RAB22A: variants seen among roughly 807,000 people sequenced by gnomAD.
The protein encoded by RAB22A is ras-related protein Rab-22A.
In RAB22A, 13 loss-of-function variants were observed where a neutral mutation model predicts 30.2. The ratio of observed to expected loss-of-function variants is 0.43; its 90% confidence interval spans 0.28 to 0.68. The LOEUF is 0.68. Ranked by LOEUF, RAB22A falls within the 30% of genes least tolerant of loss-of-function variation. The pLI is 0.18. For synonymous variants in RAB22A, 89 were observed against 87.2 expected (o/e 1.02, Z -0.11); for missense variants, 177 against 246.8 (o/e 0.72, Z 1.89).
intron 2 of RAB22A, among the ~76,000 whole-genome samples, chr20:58,318,785 A>G (rs1358754646): frequency 6.6e-5 from 10 of 152,156 alleles, no homozygotes; most frequent in East Asian, 1.9e-4. Context: ...TTGGGAGTCA[A>G]TGTGCCATAG....
In RAB22A at chr20:58,309,813, C is replaced by A; in HGVS notation, c.-164C>A. ...AAGGCGGGCCCCACGCGGCTGGCAG[C>A]GGACAGGCCGGACCTACGGCCGGAG... On this transcript the variant is annotated 5_prime_UTR_variant, in exon 1 of 7. Transcript: ENST00000244040. 1.7e-6 allele frequency: 1 copy of A among 572,730 alleles called. No homozygotes were observed. The allele number at this position is 572,730 out of a possible 1,614,324, so 35.5% of individuals were successfully genotyped here.
At chr20:58,329,472 A>G (rs1418718973) in intron 2 of RAB22A, among the ~76,000 whole-genome samples, 1 of 152,126 alleles carries the variant, frequency 6.6e-6, no homozygotes, top group East Asian at 1.9e-4. Context: ...GAGTGGCGTC[A>G]TCCTCCTTCA....
chr20:58,349,195 T>A (rs1987002834), intron 3 of RAB22A, among the ~76,000 whole-genome samples: 1 of 152,118 alleles, frequency 6.6e-6, no homozygotes, highest in Non-Finnish European at 1.5e-5. Flanking sequence ...GACAAAGCTT[T>A]AAAAAAACAA....
rs1166300273 is a variant in RAB22A, at chr20:58,344,908, A to T, written c.198+1109A>T. Among the ~76,000 whole-genome samples, 3 of 152,106 alleles carry T rather than the reference A, an allele frequency of 2.0e-5. No homozygotes were observed. The East Asian group carries it at 5.8e-4, about 29-fold the overall frequency. On this transcript the variant is annotated intron_variant, in intron 3 of 6. Coordinates refer to ENST00000244040, the MANE Select transcript of RAB22A (RefSeq NM_020673.3). ...ATGTTGTGCCTCTGTCCCATTACTC[A>T]TCTAAGATATTCTGCTTACCGTCTT...
At chr20:58,325,158 A>G (rs1469111909) in intron 2 of RAB22A, among the ~76,000 whole-genome samples, 1 of 145,186 alleles carries the variant, frequency 6.9e-6, no homozygotes, top group Non-Finnish European at 1.5e-5. Context: ...GCCTGGTGAC[A>G]GAGCGAGACT....
chr20:58,329,080 G>A lies in RAB22A; in HGVS notation c.117-14638G>A, dbSNP rs137918407. Among the ~76,000 whole-genome samples the A allele has an allele frequency of 1.4e-3, 203 of 145,064 alleles. 1 individual carries two copies. Among genetic ancestry groups the A allele is most frequent in the Middle Eastern group, 0.011 (3 of 266 alleles). ...CCTTTTTTTTTTTTTTTGAGGCAGAGCCTCATTCTGTCACCCAGGCTGGAG... is the reference window on the plus strand; with the variant it reads ...CCTTTTTTTTTTTTTTTGAGGCAGAACCTCATTCTGTCACCCAGGCTGGAG... On this transcript the variant is annotated intron_variant, in intron 2 of 6. Transcript: ENST00000244040.
At chr20:58,334,948 A>G (rs1986722449) in intron 2 of RAB22A, among the ~76,000 whole-genome samples, 1 of 152,256 alleles carries the variant, frequency 6.6e-6, no homozygotes, top group Admixed American at 6.5e-5. Flanking sequence ...TTTTATGTTT[A>G]TAAAAACACT....
intron 2 of RAB22A, among the ~76,000 whole-genome samples, chr20:58,327,974 A>G (rs998799088): frequency 6.6e-6 from 1 of 152,226 alleles, no homozygotes; most frequent in Non-Finnish European, 1.5e-5. Context: ...TTATCAGGAC[A>G]ATTGGCAGAA....
chr20:58,311,803 G>GA (rs930485319), intron 2 of RAB22A, among the ~76,000 whole-genome samples: 9 of 152,148 alleles, frequency 5.9e-5, no homozygotes, highest in African/African-American at 1.4e-4. Context: ...AGCATTTAAA[G>GA]AAAAAATCTA....
intron 2 of RAB22A, among the ~76,000 whole-genome samples, chr20:58,328,180 A>T (rs539180975): frequency 6.6e-6 from 1 of 152,118 alleles, no homozygotes. Flanking sequence ...TTTGCGAAAA[A>T]AATGTTATAT....
chr20:58,335,058 G>A (rs1218547877), intron 2 of RAB22A, among the ~76,000 whole-genome samples: 3 of 152,104 alleles, frequency 2.0e-5, no homozygotes, highest in East Asian at 1.9e-4. Flanking sequence ...ATATAGTCAC[G>A]CAATTGAATA....
rs957149645 is a variant in RAB22A at position 58,366,312 on chromosome 20, T to G, written c.*6609T>G. 1.3e-5 allele frequency: 2 copies of G among 152,092 alleles called. No homozygotes were observed. The highest frequency in any genetic ancestry group is 2.9e-5 in the Non-Finnish European group (2 of 68,042). The allele number at this position is 152,092 out of a possible 1,614,324, so 9.4% of individuals were successfully genotyped here. ...GCTGGGGCTTTTCTAACAAGCACAG[T>G]CAGAAATGCGCAGGCCTGGGGTTGG... On this transcript the variant is annotated 3_prime_UTR_variant, in exon 7 of 7. Transcript: ENST00000244040.
At chr20:58,351,204 G>C (rs562101447) in intron 3 of RAB22A, among the ~76,000 whole-genome samples, 146 of 152,052 alleles carry the variant, frequency 9.6e-4, no homozygotes, top group Non-Finnish European at 1.8e-3. Context: ...GGGCATGGTG[G>C]CACTTACTGT....
At chr20:58,321,754 T>C (rs952694377) in intron 2 of RAB22A, among the ~76,000 whole-genome samples, 1 of 151,882 alleles carries the variant, frequency 6.6e-6, no homozygotes, top group Non-Finnish European at 1.5e-5. Flanking sequence ...ATGTCATGTA[T>C]TATATATATT....
At chr20:58,357,476 C>G (rs577270060) in intron 6 of RAB22A, among the ~76,000 whole-genome samples, 95 of 152,192 alleles carry the variant, frequency 6.2e-4, no homozygotes, top group African/African-American at 2.1e-3. Flanking sequence ...TCTGACTGAT[C>G]CTTGTTTTCC....
At chr20:58,324,305 GTT>G (rs11356470) in intron 2 of RAB22A, among the ~76,000 whole-genome samples, 30 of 148,222 alleles carry the variant, frequency 2.0e-4, no homozygotes, top group Admixed American at 1.3e-3. Context: ...ATACATTGGG[GTT>G]TTTTTTTTTA....
In RAB22A at chr20:58,309,912, C is replaced by G. The variant is rs755384736; in HGVS notation, c.-65C>G. ...GCAGCGGCGCCAGGGGATGCTCTTG[C>G]TGGGCCTGGCCTCTCCCTTCTCAAC... On this transcript the variant is annotated 5_prime_UTR_variant, in exon 1 of 7. Coordinates refer to ENST00000244040, the MANE Select transcript of RAB22A (RefSeq NM_020673.3). 316 of 1,244,230 alleles carry G rather than the reference C, an allele frequency of 2.5e-4. No individual in the cohort carries two copies. The highest frequency in any genetic ancestry group is 6.8e-4 in the Admixed American group (16 of 23,696). 77.1% of individuals were successfully genotyped at this position (1,244,230 alleles called of 1,614,324 possible).
intron 2 of RAB22A, among the ~76,000 whole-genome samples, chr20:58,335,249 G>C (rs1986727961): frequency 6.6e-6 from 1 of 152,212 alleles, no homozygotes; most frequent in South Asian, 2.1e-4. Flanking sequence ...CTCTTAGTAT[G>C]CTGTTATGCC....
intron 2 of RAB22A, among the ~76,000 whole-genome samples, chr20:58,318,077 A>G (rs1252273821): frequency 6.7e-6 from 1 of 149,542 alleles, no homozygotes; most frequent in African/African-American, 2.5e-5. Flanking sequence ...TGCATTGCCC[A>G]GGCTGGTCTC....
Sources: allele counts gnomAD v4.1 joint callset (sites outside exome capture counted in the v4.1 genomes callset), GRCh38; gene constraint gnomAD v4.1.1; transcripts MANE v1.5; gene names NCBI Gene and HGNC (gene_info 2026-07-23, HGNC 2026-07-21).